Variants in NCR1 observed in about 807,000 individuals in gnomAD.
The protein encoded by NCR1 is NK cell-activating receptor.
Under a neutral mutation model 32.5 loss-of-function variants are expected in NCR1, and 30 were observed. That is an observed-to-expected ratio of 0.92 (90% CI 0.69 to 1.25). The LOEUF (loss-of-function observed/expected upper bound fraction) is 1.25. Among genes scored for constraint, NCR1 ranks in the 50% most tolerant of loss-of-function variants. The pLI, the probability that NCR1 is intolerant of heterozygous loss-of-function variation, is 0.00. For missense variants in NCR1, 369 were observed against 380.7 expected (o/e 0.97, Z 0.26); for synonymous variants, 169 against 143.4 (o/e 1.18, Z -1.28).
the NCR1 span, among the ~76,000 whole-genome samples, chr19:54,931,285 G>A: frequency 6.6e-5 from 10 of 151,946 alleles, no homozygotes; most frequent in East Asian, 9.7e-4. Context: ...CGGGCCGGGC[G>A]CGGTGGCTCA....
At chr19:54,933,015 T>C in the NCR1 span, among the ~76,000 whole-genome samples, 2 of 152,136 alleles carry the variant, frequency 1.3e-5, no homozygotes, top group Non-Finnish European at 2.9e-5. Flanking sequence ...GTCATAGGAA[T>C]TTGAAAGAAC....
the NCR1 span, chr19:54,938,165 G>C: frequency 6.2e-7 from 1 of 1,614,130 alleles, no homozygotes; most frequent in Non-Finnish European, 8.5e-7. Flanking sequence ...GAGCTGAAGA[G>C]AGAGCAGAAA....
the NCR1 span, among the ~76,000 whole-genome samples, chr19:54,933,139 GT>G: frequency 1.3e-5 from 2 of 150,906 alleles, no homozygotes; most frequent in Non-Finnish European, 3.0e-5. Context: ...TATCTGCCTG[GT>G]TTTTTTTGTT....
downstream of NCR1, among the ~76,000 whole-genome samples, chr19:54,916,873 C>T (rs1016368508): frequency 3.3e-5 from 5 of 151,490 alleles, no homozygotes; most frequent in East Asian, 9.8e-4. Flanking sequence ...CCAGAAGACC[C>T]ACGCTCCCTA....
At chr19:54,903,477 CA>C (rs1416452535), upstream of NCR1, among the ~76,000 whole-genome samples, 1 of 135,848 alleles carries the variant, frequency 7.4e-6, no homozygotes, top group Non-Finnish European at 1.6e-5. Flanking sequence ...TACACGGATA[CA>C]TGTATGTATA....
rs148883071 is a variant in NCR1, at chr19:54,912,835, GGAA to G, written c.881_883del (p.Glu294del). ...AGCGAGCCAGCAGAGCTTCCACTTG[GGAA>G]GGCAGGAGAAGGCTGAACACACAGA... On this transcript the variant is annotated inframe_deletion, in exon 7 of 7. Transcript: ENST00000291890. 7.6e-3 allele frequency: 12,206 copies of G among 1,613,750 alleles called. 575 individuals carry two copies. In the Admixed American group the frequency reaches 0.1, roughly 14 times the overall value.
chr19:54,906,487 G>T, intron 2 of NCR1, 36 bp from the exon 3 acceptor site: 1 of 1,599,646 alleles, frequency 6.3e-7, no homozygotes. Flanking sequence ...GGGGGAGGGG[G>T]CTCCGCTGGA....
chr19:54,903,646 CACATATAT>C (rs2067375864), upstream of NCR1, among the ~76,000 whole-genome samples: 1 of 146,906 alleles, frequency 6.8e-6, no homozygotes, highest in Admixed American at 6.9e-5. Context: ...AGTATATATA[CACATATAT>C]GTATATATGT....
chr19:54,907,492 T>C (rs1385107779), intron 3 of NCR1, among the ~76,000 whole-genome samples: 4 of 150,434 alleles, frequency 2.7e-5, no homozygotes, highest in Non-Finnish European at 5.9e-5. Context: ...TAGCTTTTTT[T>C]TTTTTTTAAC....
chr19:54,918,923 G>A (rs982985229), downstream of NCR1, among the ~76,000 whole-genome samples: 1 of 151,466 alleles, frequency 6.6e-6, no homozygotes, highest in Non-Finnish European at 1.5e-5. Context: ...GGCGGAGGTT[G>A]CGGTGAGCCA....
chr19:54,898,586 G>A, the NCR1 span, among the ~76,000 whole-genome samples: 11 of 152,126 alleles, frequency 7.2e-5, no homozygotes, highest in Non-Finnish European at 1.3e-4. Context: ...TTAATTTTTG[G>A]AGCTTTATTT....
At chr19:54,923,050 G>T in the NCR1 span, among the ~76,000 whole-genome samples, 1 of 152,128 alleles carries the variant, frequency 6.6e-6, no homozygotes, top group Non-Finnish European at 1.5e-5. Context: ...CGTGAGGCAG[G>T]GCCATCTTCT....
chr19:54,920,500 A>C (rs1186839224), downstream of NCR1, among the ~76,000 whole-genome samples: 1 of 152,114 alleles, frequency 6.6e-6, no homozygotes, highest in Non-Finnish European at 1.5e-5. Flanking sequence ...CGCCGTAATC[A>C]CAGCACTTTA....
the NCR1 span, chr19:54,927,632 T>G: frequency 1.2e-6 from 2 of 1,614,060 alleles, no homozygotes; most frequent in East Asian, 2.2e-5. Context: ...TCCAGTTCTT[T>G]GTCTTAGAAC....
downstream of NCR1, among the ~76,000 whole-genome samples, chr19:54,914,632 C>A (rs943357426): frequency 6.6e-6 from 1 of 152,116 alleles, no homozygotes; most frequent in African/African-American, 2.4e-5. Context: ...AGTCACCGTA[C>A]CCGGCCACCA....
downstream of NCR1, among the ~76,000 whole-genome samples, chr19:54,917,139 G>A (rs1412313297): frequency 1.3e-5 from 2 of 151,436 alleles, no homozygotes; most frequent in South Asian, 2.1e-4. Context: ...CTTGCTACTC[G>A]TTTTCTGACG....
At position 54,909,578 on chromosome 19, in the gene NCR1, C is replaced by T; in HGVS notation, c.634+55C>T. Reference sequence around the variant, plus strand: ...TCGCCGCCATGTGCTACCTGGAGCCCTGAGGGATCCCCAGAGAGTGATGGG... The same window carrying T: ...TCGCCGCCATGTGCTACCTGGAGCCTTGAGGGATCCCCAGAGAGTGATGGG... On this transcript the variant is annotated intron_variant, in intron 4 of 6. Coordinates refer to ENST00000291890, the MANE Select transcript of NCR1 (RefSeq NM_004829.7). 1.9e-6 allele frequency: 3 copies of T among 1,555,152 alleles called. No individual in the cohort carries two copies. In the South Asian group the frequency reaches 3.6e-5, roughly 18 times the overall value.
At chr19:54,936,735 G>C in the NCR1 span, among the ~76,000 whole-genome samples, 5,037 of 151,878 alleles carry the variant, frequency 0.033, 265 homozygotes, top group African/African-American at 0.11. Context: ...GCCAACATGG[G>C]GAAGCCCCGT....
At chr19:54,938,094 C>G in the NCR1 span, 10 of 1,613,972 alleles carry the variant, frequency 6.2e-6, no homozygotes, top group Non-Finnish European at 8.5e-6. Flanking sequence ...CACAAAGAAT[C>G]CGCACAGAAG....
Sources: allele counts gnomAD v4.1 joint callset (sites outside exome capture counted in the v4.1 genomes callset), GRCh38; gene constraint gnomAD v4.1.1; transcripts MANE v1.5; gene names NCBI Gene and HGNC (gene_info 2026-07-23, HGNC 2026-07-21).